GFOD1: variants seen among roughly 807,000 people sequenced by gnomAD.
GFOD1 encodes the protein glucose-fructose oxidoreductase domain-containing protein 1.
GFOD1 carries 9 observed loss-of-function variants against 25.4 expected under a neutral mutation model. That is an observed-to-expected ratio of 0.35 (90% CI 0.21 to 0.62). The LOEUF (loss-of-function observed/expected upper bound fraction) is 0.62, where lower values mean the gene tolerates loss of function less well. Ranked by LOEUF, GFOD1 falls within the 20% of genes least tolerant of loss-of-function variation. The pLI is 0.72. For missense variants in GFOD1, 403 were observed against 556.9 expected (o/e 0.72, Z 2.78); for synonymous variants, 253 against 245.6 (o/e 1.03, Z -0.28).
At chr6:13,456,844 G>A (rs745457855) in intron 1 of GFOD1, among the ~76,000 whole-genome samples, 2 of 152,126 alleles carry the variant, frequency 1.3e-5, no homozygotes, top group African/African-American at 2.4e-5. Context: ...GGACATTACT[G>A]AGTAGAACAG....
intron 1 of GFOD1, among the ~76,000 whole-genome samples, chr6:13,454,633 G>A (rs1367143248): frequency 6.6e-6 from 1 of 152,192 alleles, no homozygotes; most frequent in Admixed American, 6.5e-5. Flanking sequence ...AATGAGCAAT[G>A]CCACCACTCC....
At chr6:13,412,765 T>A (rs1251942399) in intron 1 of GFOD1, among the ~76,000 whole-genome samples, 2 of 152,226 alleles carry the variant, frequency 1.3e-5, no homozygotes, top group Non-Finnish European at 2.9e-5. Context: ...GCATGCCCTG[T>A]GCTCTGAGCA....
chr6:13,364,391 A>G lies in GFOD1; in HGVS notation c.*352T>C. The G allele has an allele frequency of 4.0e-6, 1 of 252,046 alleles. No homozygotes were observed. 15.6% of individuals were successfully genotyped at this position (252,046 alleles called of 1,614,324 possible). On this transcript the variant is annotated 3_prime_UTR_variant, in exon 2 of 2. Coordinates refer to ENST00000379287, the MANE Select transcript of GFOD1 (RefSeq NM_018988.4). The surrounding 1 kb of genome is among the most constrained non-coding windows in gnomAD (Gnocchi z 4.1). ...GAACCACTTGGCTTGCAGAAGGCCA[A>G]GGTGTGTGGGATGGATGAGGTAGGG...
At chr6:13,423,815 A>C (rs1327969356) in intron 1 of GFOD1, among the ~76,000 whole-genome samples, 1 of 152,208 alleles carries the variant, frequency 6.6e-6, no homozygotes, top group African/African-American at 2.4e-5. Context: ...CGCCCGAAGC[A>C]AGAGCATCCT....
intron 1 of GFOD1, chr6:13,486,178 T>C (rs1308829888): frequency 1.0e-6 from 1 of 991,950 alleles, no homozygotes; most frequent in Non-Finnish European, 1.2e-6. Flanking sequence ...GGCCTTTTAT[T>C]CAGGCGTTTC....
In GFOD1 at chr6:13,358,325, T is replaced by G. The variant is rs150954211; in HGVS notation, c.*6418A>C. 1 of 152,124 alleles carries G rather than the reference T, an allele frequency of 6.6e-6. No homozygotes were observed. Among genetic ancestry groups the G allele is most frequent in the South Asian group, 2.1e-4 (1 of 4,834 alleles). 9.4% of individuals were successfully genotyped at this position (152,124 alleles called of 1,614,324 possible). On this transcript the variant is annotated 3_prime_UTR_variant, in exon 2 of 2. Transcript: ENST00000379287. Reference sequence around the variant, plus strand: ...ATATATAAGTTTGGTTTTATACATATACATACATATATACTCATGTTTGTA... The same window carrying G: ...ATATATAAGTTTGGTTTTATACATAGACATACATATATACTCATGTTTGTA...
intron 1 of GFOD1, among the ~76,000 whole-genome samples, chr6:13,417,140 C>T (rs1191913221): frequency 1.3e-5 from 2 of 152,242 alleles, no homozygotes; most frequent in Non-Finnish European, 2.9e-5. Context: ...TTATTCTGTA[C>T]TCTAGAGAAC....
At chr6:13,370,824 T>C (rs1424934751) in intron 1 of GFOD1, among the ~76,000 whole-genome samples, 5 of 152,194 alleles carry the variant, frequency 3.3e-5, no homozygotes, top group Non-Finnish European at 7.3e-5. Flanking sequence ...TGTCTGAGTG[T>C]GTGGTTGACA....
At chr6:13,423,472 T>C (rs2127568704) in intron 1 of GFOD1, among the ~76,000 whole-genome samples, 1 of 152,262 alleles carries the variant, frequency 6.6e-6, no homozygotes, top group Non-Finnish European at 1.5e-5. Context: ...TCATGCACCA[T>C]GACACACACA....
chr6:13,421,649 T>A (rs1278887905), intron 1 of GFOD1, among the ~76,000 whole-genome samples: 1 of 152,116 alleles, frequency 6.6e-6, no homozygotes, highest in Non-Finnish European at 1.5e-5. Context: ...CTCTCCACCC[T>A]ACCACTGCAA....
rs141550032 is a variant in GFOD1 at position 13,391,573 on chromosome 6, C to T, written c.254-25911G>A. Among the ~76,000 whole-genome samples the T allele has an allele frequency of 3.7e-4, 55 of 149,628 alleles. No homozygotes were observed. The East Asian group carries it at 7.9e-3, about 21-fold the overall frequency. Reference sequence around the variant, plus strand: ...GGCCAAGGAAAATAATGTACTATTTCGTAGAGTCCATATCAATTGAATAGG... The same window carrying T: ...GGCCAAGGAAAATAATGTACTATTTTGTAGAGTCCATATCAATTGAATAGG... On this transcript the variant is annotated intron_variant, in intron 1 of 1. Coordinates refer to ENST00000379287, the MANE Select transcript of GFOD1 (RefSeq NM_018988.4).
chr6:13,486,442 G>C (rs970561511), intron 1 of GFOD1, 196 bp downstream of exon 1: 4 of 622,204 alleles, frequency 6.4e-6, no homozygotes, highest in Non-Finnish European at 8.4e-6. Flanking sequence ...GAGGCAGGAG[G>C]GAAGCGCAAA....
intron 1 of GFOD1, among the ~76,000 whole-genome samples, chr6:13,482,715 C>T (rs1460046669): frequency 6.6e-6 from 1 of 151,748 alleles, no homozygotes; most frequent in Admixed American, 6.6e-5. Context: ...ACCATTGCAC[C>T]CCAGCCTGGG....
chr6:13,469,996 T>C, intron 1 of GFOD1: 1 of 1,325,748 alleles, frequency 7.5e-7, no homozygotes, highest in Non-Finnish European at 1.0e-6. Flanking sequence ...TGCCATATCT[T>C]ATATGCCTTT....
intron 1 of GFOD1, among the ~76,000 whole-genome samples, chr6:13,393,245 A>G (rs1301543409): frequency 2.6e-5 from 4 of 151,806 alleles, no homozygotes; most frequent in Non-Finnish European, 5.9e-5. Context: ...AATCCCAGCT[A>G]CTCAGGAGGC....
intron 1 of GFOD1, among the ~76,000 whole-genome samples, chr6:13,438,647 C>T (rs1757869229): frequency 6.6e-6 from 1 of 152,080 alleles, no homozygotes; most frequent in African/African-American, 2.4e-5. Context: ...CATCTCTAAT[C>T]GTCATCACCC....
At chr6:13,408,779 A>G (rs1785992827) in intron 1 of GFOD1, among the ~76,000 whole-genome samples, 1 of 152,180 alleles carries the variant, frequency 6.6e-6, no homozygotes, top group Admixed American at 6.5e-5. Flanking sequence ...GAAAAATGAC[A>G]GTTCATTTTC....
intron 1 of GFOD1, among the ~76,000 whole-genome samples, chr6:13,373,462 T>C (rs1785188983): frequency 1.3e-5 from 2 of 152,108 alleles, no homozygotes; most frequent in African/African-American, 4.8e-5. Flanking sequence ...CTGAGAGAGG[T>C]TCATTAGATT....
chr6:13,378,659 G>A (rs528589065), intron 1 of GFOD1, among the ~76,000 whole-genome samples: 27 of 152,262 alleles, frequency 1.8e-4, no homozygotes, highest in South Asian at 1.5e-3. Context: ...CCAGCCTTCC[G>A]CAAGTGGGCA....
Sources: allele counts gnomAD v4.1 joint callset (sites outside exome capture counted in the v4.1 genomes callset), GRCh38; gene constraint gnomAD v4.1.1; non-coding constraint Gnocchi (gnomAD v3.1); transcripts MANE v1.5; gene names NCBI Gene and HGNC (gene_info 2026-07-23, HGNC 2026-07-21).